PDGFC: variants seen among roughly 807,000 people sequenced by gnomAD.
PDGFC encodes the protein platelet derived growth factor C.
A neutral mutation model predicts 35.5 loss-of-function variants in PDGFC; 12 were observed. The observed-to-expected ratio is 0.34, with a 90% CI of 0.22 to 0.55. The LOEUF (loss-of-function observed/expected upper bound fraction) is 0.55, where lower values mean the gene tolerates loss of function less well. Among genes scored for constraint, PDGFC ranks in the 20% least tolerant of loss-of-function variants. The pLI, the probability that PDGFC is intolerant of heterozygous loss-of-function variation, is 0.91. For missense variants in PDGFC, 322 were observed against 412.4 expected (o/e 0.78, Z 1.90); for synonymous variants, 159 against 148.8 (o/e 1.07, Z -0.50).
In PDGFC at chr4:156,970,023, GCCTTT is replaced by G. The variant is rs1732554669; in HGVS notation, c.118+758_118+762del. Among the ~76,000 whole-genome samples the G allele has an allele frequency of 5.3e-5, 8 of 152,318 alleles. 1 individual carries two copies. The highest frequency in any genetic ancestry group is 5.2e-4 in the Admixed American group (8 of 15,296). On this transcript the variant is annotated intron_variant, in intron 1 of 5. Transcript: ENST00000502773. ...AAGCTGCCCTGGCTTTATGAAAGGAGCCTTTCTCCAGCTCTGTGCAATCCCAGCCC... is the reference window on the plus strand; with the variant it reads ...AAGCTGCCCTGGCTTTATGAAAGGAGCTCCAGCTCTGTGCAATCCCAGCCC...
chr4:156,821,462 A>G (rs1732256707), intron 2 of PDGFC, among the ~76,000 whole-genome samples: 4 of 151,812 alleles, frequency 2.6e-5, no homozygotes, highest in African/African-American at 4.8e-5. Flanking sequence ...GCTGGTTTCA[A>G]ACTCCTGGGC....
chr4:156,765,349 G>A (rs757576621), intron 5 of PDGFC, among the ~76,000 whole-genome samples: 3 of 152,188 alleles, frequency 2.0e-5, no homozygotes, highest in Non-Finnish European at 4.4e-5. Context: ...CGGAGAGGTT[G>A]AAATTAAAAT....
At chr4:156,887,345 G>C (rs1478715767) in intron 1 of PDGFC, among the ~76,000 whole-genome samples, 1 of 152,024 alleles carries the variant, frequency 6.6e-6, no homozygotes, top group Non-Finnish European at 1.5e-5. Context: ...AATATACAAA[G>C]CTGCTCATTT....
At chr4:156,826,061 G>GT (rs1252576774) in intron 2 of PDGFC, among the ~76,000 whole-genome samples, 1 of 150,352 alleles carries the variant, frequency 6.7e-6, no homozygotes, top group African/African-American at 2.4e-5. Flanking sequence ...TAGAGAAGGG[G>GT]TCTTTATTGC....
At position 156,772,667 on chromosome 4, in the gene PDGFC, A is replaced by G; in HGVS notation, c.703+19T>C. 1.3e-6 allele frequency: 2 copies of G among 1,554,038 alleles called. No homozygotes were observed. The highest frequency in any genetic ancestry group is 1.8e-6 in the Non-Finnish European group (2 of 1,127,076). On this transcript the variant is annotated intron_variant, in intron 4 of 5. Transcript: ENST00000502773. ...GTTAAGAAAATTAAATGAGGTTCTAATCTGAAGAGGGAGCTTACCTCTGGA... is the reference window on the plus strand; with the variant it reads ...GTTAAGAAAATTAAATGAGGTTCTAGTCTGAAGAGGGAGCTTACCTCTGGA...
intron 1 of PDGFC, among the ~76,000 whole-genome samples, chr4:156,917,956 T>C (rs561517949): frequency 6.6e-6 from 1 of 152,334 alleles, no homozygotes; most frequent in South Asian, 2.1e-4. Flanking sequence ...GAAAAATGCT[T>C]TTTTGAATTT....
rs1397454061 is a variant in PDGFC, at chr4:156,888,699, A to AT, written c.119-38284dup. Among the ~76,000 whole-genome samples, 3 of 151,850 alleles carry AT rather than the reference A, an allele frequency of 2.0e-5. No homozygotes were observed. The East Asian group carries it at 5.8e-4, about 29-fold the overall frequency. ...CACATCACTTTTTTCTTAGTCTTTC[A>AT]TTTTTTCTCCAATGTCCCTGCCCCT... On this transcript the variant is annotated intron_variant, in intron 1 of 5. Transcript: ENST00000502773.
intron 1 of PDGFC, among the ~76,000 whole-genome samples, chr4:156,876,186 ATCTG>A (rs1186223155): frequency 6.6e-6 from 1 of 152,214 alleles, no homozygotes; most frequent in African/African-American, 2.4e-5. Context: ...ATGGAAAAGT[ATCTG>A]TTTCTAGTCA....
At chr4:156,812,186 G>C (rs1368603237) in intron 2 of PDGFC, among the ~76,000 whole-genome samples, 1 of 151,798 alleles carries the variant, frequency 6.6e-6, no homozygotes, top group Non-Finnish European at 1.5e-5. Flanking sequence ...AGGAATACTA[G>C]ATATACCATT....
At chr4:156,961,496 T>G (rs1448749898) in intron 1 of PDGFC, among the ~76,000 whole-genome samples, 4 of 152,112 alleles carry the variant, frequency 2.6e-5, no homozygotes, top group African/African-American at 9.7e-5. Flanking sequence ...AGAATGCAAA[T>G]AGCAGAGCTT....
intron 3 of PDGFC, among the ~76,000 whole-genome samples, chr4:156,799,407 A>T (rs1185685231): frequency 3.9e-5 from 6 of 152,134 alleles, no homozygotes; most frequent in Admixed American, 3.9e-4. Context: ...CGAAAAAAAA[A>T]TTGTATTAGT....
chr4:156,850,172 G>A (rs370971052), intron 2 of PDGFC, 49 bp downstream of exon 2: 14 of 953,282 alleles, frequency 1.5e-5, no homozygotes, highest in Non-Finnish European at 1.5e-6. Flanking sequence ...CAATTTGAAA[G>A]ACTTTTAACA....
At chr4:156,929,480 A>AT (rs1731498586) in intron 1 of PDGFC, among the ~76,000 whole-genome samples, 1 of 151,770 alleles carries the variant, frequency 6.6e-6, no homozygotes, top group African/African-American at 2.4e-5. Flanking sequence ...AAAAAGGCCA[A>AT]TAAAAAAAAC....
chr4:156,901,161 C>G (rs1730772424), intron 1 of PDGFC, among the ~76,000 whole-genome samples: 1 of 152,088 alleles, frequency 6.6e-6, no homozygotes, highest in Non-Finnish European at 1.5e-5. Flanking sequence ...CTGAGACCCA[C>G]CCATAGAGAT....
At chr4:156,835,375 G>A (rs769681930) in intron 2 of PDGFC, among the ~76,000 whole-genome samples, 8 of 152,130 alleles carry the variant, frequency 5.3e-5, no homozygotes, top group Non-Finnish European at 8.8e-5. Flanking sequence ...ATTTTAATCC[G>A]AAGGATCATA....
intron 1 of PDGFC, among the ~76,000 whole-genome samples, chr4:156,867,351 C>T (rs1729869182): frequency 6.6e-6 from 1 of 152,174 alleles, no homozygotes; most frequent in Non-Finnish European, 1.5e-5. Context: ...TCTACGTGAA[C>T]GACAGAGCTC....
chr4:156,940,953 A>G (rs1317209532), intron 1 of PDGFC, among the ~76,000 whole-genome samples: 1 of 152,168 alleles, frequency 6.6e-6, no homozygotes, highest in Non-Finnish European at 1.5e-5. Context: ...CCATTTCTAA[A>G]TGAATAACAA....
chr4:156,914,591 A>C (rs1305782936), intron 1 of PDGFC, among the ~76,000 whole-genome samples: 1 of 152,146 alleles, frequency 6.6e-6, no homozygotes, highest in Non-Finnish European at 1.5e-5. Flanking sequence ...CTCCTTACTA[A>C]AGCCTATCCA....
rs566814722 is a variant in PDGFC, at chr4:156,831,883, T to A, written c.314+18338A>T. 3.2e-4 allele frequency among the ~76,000 whole-genome samples: 48 copies of A among 152,300 alleles called. 2 individuals are homozygous for A. The South Asian group carries it at 9.7e-3, about 31-fold the overall frequency. On this transcript the variant is annotated intron_variant, in intron 2 of 5. Coordinates refer to ENST00000502773, the MANE Select transcript of PDGFC (RefSeq NM_016205.3). ...AATCATCCTTCATCTTCTCACATGC[T>A]CACTATTCCCACAGTGAGCACTTTG...
Sources: gnomAD v4.1 joint callset for allele counts (sites outside exome capture counted in the v4.1 genomes callset) on GRCh38, gnomAD v4.1.1 for gene constraint, MANE v1.5 for transcripts, NCBI Gene and HGNC (gene_info 2026-07-23, HGNC 2026-07-21) for gene names.